KLHL18: variants seen among roughly 807,000 people sequenced by gnomAD.
The protein encoded by KLHL18 is kelch like family member 18, also known as kelch-like protein 18.
A neutral mutation model predicts 58.5 loss-of-function variants in KLHL18; 38 were observed. The observed-to-expected ratio is 0.65, with a 90% confidence interval of 0.50 to 0.85. The LOEUF (loss-of-function observed/expected upper bound fraction) is 0.85. KLHL18 is among the 40% of genes least tolerant of loss of function. The pLI is 0.00. For missense variants in KLHL18, 624 were observed against 778.4 expected, an observed-to-expected ratio of 0.80 and a Z score of 2.36; for synonymous variants, 303 against 301.9, an observed-to-expected ratio of 1.00 and a Z score of -0.04.
chr3:47,329,974 G>C lies in KLHL18; in HGVS notation c.425G>C (p.Gly142Ala), dbSNP rs767283967. Residue 142 changes from glycine (G) to alanine (A), a missense_variant, in exon 4 of 10, where the codon GGT becomes GCT. By Grantham distance (60) the Gly-to-Ala change is moderately conservative. Coordinates refer to ENST00000232766, the MANE Select transcript of KLHL18 (RefSeq NM_025010.5). ...RERLHPKNCLGVRQFAETMMC... is the reference protein window; with the variant it reads ...RERLHPKNCLAVRQFAETMMC... ...AGGCTTCACCCAAAAAACTGCCTGG[G>C]TGTGCGCCAGTTTGCTGAGACAATG... 2 of 1,614,024 alleles carry C rather than the reference G, an allele frequency of 1.2e-6. No homozygotes were observed. The highest frequency in any genetic ancestry group is 2.2e-5 in the South Asian group (2 of 91,076).
At chr3:47,339,490 CAAAAAA>C (rs535713738) in intron 7 of KLHL18, among the ~76,000 whole-genome samples, 1 of 69,230 alleles carries the variant, frequency 1.4e-5, no homozygotes, top group Non-Finnish European at 3.0e-5. Flanking sequence ...GACCTCATCT[CAAAAAA>C]AAAAAAAAAA....
Position 47,331,425 on chromosome 3 carries a change from C to CTT in KLHL18, c.600+1298_600+1299dup, listed in dbSNP as rs71098479. ...ATAAGCATGAGCCATCATGCCAGGC[C>CTT]TTTTTTTTTTTTTTTTTTTTTTTGT... On this transcript the variant is annotated intron_variant, in intron 4 of 9. Coordinates refer to ENST00000232766, the MANE Select transcript of KLHL18 (RefSeq NM_025010.5). Among the ~76,000 whole-genome samples the CTT allele has an allele frequency of 5.5e-3, 323 of 58,554 alleles. 4 individuals carry two copies. Among genetic ancestry groups the CTT allele is most frequent in the African/African-American group, 6.3e-3 (88 of 13,956 alleles). The allele number at this position is 58,554 out of a possible 152,430, so 38.4% of individuals were successfully genotyped here.
At chr3:47,324,071 T>G (rs1202470496) in intron 3 of KLHL18, among the ~76,000 whole-genome samples, 1 of 152,094 alleles carries the variant, frequency 6.6e-6, no homozygotes, top group Non-Finnish European at 1.5e-5. Context: ...GTGGTGCTGT[T>G]CGCAGTTTTA....
rs1288435816 is a variant in KLHL18 at position 47,346,309 on chromosome 3, G to A, written c.*2368G>A. 3 of 152,618 alleles carry A rather than the reference G, an allele frequency of 2.0e-5. No homozygotes were observed. Among genetic ancestry groups the A allele is most frequent in the African/African-American group, 7.2e-5 (3 of 41,448 alleles). The allele number at this position is 152,618 out of a possible 1,614,324, so 9.5% of individuals were successfully genotyped here. On this transcript the variant is annotated 3_prime_UTR_variant, in exon 10 of 10. Coordinates refer to ENST00000232766, the MANE Select transcript of KLHL18 (RefSeq NM_025010.5). ...CTGCACCTGAGGTCGATGTTTCAAA[G>A]TAAGATCAAGCCAGTGTTTTGATCT...
At chr3:47,309,244 C>A (rs944179293) in intron 1 of KLHL18, among the ~76,000 whole-genome samples, 1 of 152,214 alleles carries the variant, frequency 6.6e-6, no homozygotes, top group South Asian at 2.1e-4. Context: ...TCGACAAAAC[C>A]GCCATCGTCA....
intron 3 of KLHL18, among the ~76,000 whole-genome samples, chr3:47,329,720 A>T (rs943968010): frequency 1.3e-5 from 2 of 152,196 alleles, no homozygotes; most frequent in Non-Finnish European, 2.9e-5. Flanking sequence ...CAGAGAGCTC[A>T]TTCCACCTGA....
chr3:47,322,941 G>A (rs1395924320), intron 3 of KLHL18, among the ~76,000 whole-genome samples: 2 of 152,068 alleles, frequency 1.3e-5, no homozygotes, highest in African/African-American at 4.8e-5. Flanking sequence ...CCCTTGGCTT[G>A]ACATGTACAT....
At chr3:47,290,595 G>T (rs532470564) in intron 1 of KLHL18, among the ~76,000 whole-genome samples, 2 of 152,146 alleles carry the variant, frequency 1.3e-5, no homozygotes, top group African/African-American at 4.8e-5. Flanking sequence ...CCAAGTAGCT[G>T]GGACCACAGG....
intron 1 of KLHL18, among the ~76,000 whole-genome samples, chr3:47,293,619 C>G (rs1702835316): frequency 6.6e-6 from 1 of 152,206 alleles, no homozygotes; most frequent in South Asian, 2.1e-4. Flanking sequence ...GGTTTGTAAG[C>G]TGTAAATGTC....
chr3:47,334,744 G>A lies in KLHL18; in HGVS notation c.823G>A (p.Ala275Thr). Residue 275 changes from alanine to threonine, a missense_variant, in exon 6 of 10, where the codon GCT becomes ACT. Coordinates refer to ENST00000232766, the MANE Select transcript of KLHL18 (RefSeq NM_025010.5). This position sits in a 1 kb window ranked among gnomAD's most constrained non-coding sequence, Gnocchi z 4.7. ...LMPERRPHLP[A>T]FRTRPRCCTS... ...GCCAGAGCGCCGGCCCCACCTGCCA[G>A]CTTTCAGAACCCGGCCACGCTGCTG... 6.2e-7 allele frequency: 1 copy of A among 1,614,170 alleles called. No individual in the cohort carries two copies. The highest frequency in any genetic ancestry group is 1.1e-5 in the South Asian group (1 of 91,082).
At chr3:47,287,189 T>C (rs1368718598) in intron 1 of KLHL18, 1 of 152,266 alleles carries the variant, frequency 6.6e-6, no homozygotes, top group Non-Finnish European at 1.5e-5. Flanking sequence ...CCTTCTAATG[T>C]GCTGTCTCTC....
intron 1 of KLHL18, among the ~76,000 whole-genome samples, chr3:47,297,081 C>T (rs1702912080): frequency 6.6e-6 from 1 of 152,238 alleles, no homozygotes; most frequent in South Asian, 2.1e-4. Context: ...GACTGGAGCC[C>T]CAAGTCCTTT....
intron 3 of KLHL18, among the ~76,000 whole-genome samples, chr3:47,329,429 G>A (rs1158678469): frequency 6.6e-5 from 10 of 152,092 alleles, no homozygotes; most frequent in Admixed American, 4.6e-4. Context: ...GGGTTTCACC[G>A]TGTCAGCCAG....
chr3:47,324,294 C>CTTTTTTTTTTTTTTTT (rs1559498832), intron 3 of KLHL18, among the ~76,000 whole-genome samples: 5 of 10,598 alleles, frequency 4.7e-4, no homozygotes, highest in African/African-American at 8.3e-4. Context: ...CTTTTTCTTT[C>CTTTTTTTTTTTTTTTT]TTTCTTTTTT....
rs76164537 is a variant in KLHL18 at position 47,303,584 on chromosome 3, A to G, written c.130-16069A>G. On this transcript the variant is annotated intron_variant, in intron 1 of 9. Transcript: ENST00000232766. ...CAGCTGGTGTCATCCTTTCCGTTCA[A>G]GGCTCAGGGCTTAGCAGCTTTATAG... 5.3e-3 allele frequency among the ~76,000 whole-genome samples: 812 copies of G among 152,320 alleles called. 8 individuals carry two copies. The highest frequency in any genetic ancestry group is 0.019 in the African/African-American group (775 of 41,576).
chr3:47,325,129 T>C (rs897047893), intron 3 of KLHL18, among the ~76,000 whole-genome samples: 4 of 152,176 alleles, frequency 2.6e-5, no homozygotes, highest in African/African-American at 9.7e-5. Flanking sequence ...TGATGGTGTC[T>C]CCCAGCTCCC....
rs746259954 is a variant in KLHL18 at position 47,336,706 on chromosome 3, A to G, written c.1070A>G (p.Asn357Ser). 2 of 1,614,108 alleles carry G rather than the reference A, an allele frequency of 1.2e-6. No individual in the cohort carries two copies. The highest frequency in any genetic ancestry group is 2.7e-5 in the African/African-American group (2 of 74,932). ...CGGCTGAGCACTGTGGAGGCCTACA[A>G]CCCGGAGACAGACACATGGACCAGA... ...QLRLSTVEAY[N>S]PETDTWTRVG... Residue 357 changes from asparagine (N) to serine (S), a missense_variant, in exon 7 of 10, where the codon AAC becomes AGC. Transcript: ENST00000232766.
At chr3:47,312,422 T>C (rs1703323567) in intron 1 of KLHL18, among the ~76,000 whole-genome samples, 1 of 152,220 alleles carries the variant, frequency 6.6e-6, no homozygotes, top group South Asian at 2.1e-4. Flanking sequence ...AAGGTAGAGA[T>C]GTATGCTAAA....
intron 2 of KLHL18, among the ~76,000 whole-genome samples, chr3:47,320,232 A>G (rs1162349857): frequency 1.3e-5 from 2 of 152,180 alleles, no homozygotes; most frequent in African/African-American, 2.4e-5. Flanking sequence ...TTCTATTTGT[A>G]TTGCCCAAAA....
Sources: allele counts gnomAD v4.1 joint callset (sites outside exome capture counted in the v4.1 genomes callset), GRCh38; gene constraint gnomAD v4.1.1; non-coding constraint Gnocchi (gnomAD v3.1); transcripts MANE v1.5; gene names NCBI Gene and HGNC (gene_info 2026-07-23, HGNC 2026-07-21).